The following ITGA8 variants were observed in gnomAD, a reference collection of about 807,000 sequenced individuals.
ITGA8 encodes integrin subunit alpha 8, also known as integrin alpha-8.
A neutral mutation model predicts 142.3 loss-of-function variants in ITGA8; 91 were observed. The ratio of observed to expected loss-of-function variants is 0.64; its 90% CI spans 0.54 to 0.76. The LOEUF (loss-of-function observed/expected upper bound fraction) is 0.76, where lower values mean the gene tolerates loss of function less well. Among genes scored for constraint, ITGA8 ranks in the 30% least tolerant of loss-of-function variants. The pLI is 0.00. For missense variants in ITGA8, 1,406 were observed against 1,327.7 expected, an observed-to-expected ratio of 1.06 and a Z score of -0.92; for synonymous variants, 505 against 485.2, an observed-to-expected ratio of 1.04 and a Z score of -0.54.
intron 26 of ITGA8, among the ~76,000 whole-genome samples, chr10:15,551,593 C>T (rs951484908): frequency 1.3e-5 from 2 of 151,992 alleles, no homozygotes; most frequent in African/African-American, 2.4e-5. Context: ...TATTCTTAGG[C>T]GGAGGAGAAA....
At chr10:15,639,126 T>C (rs1219480502) in intron 13 of ITGA8, among the ~76,000 whole-genome samples, 1 of 150,262 alleles carries the variant, frequency 6.7e-6, no homozygotes. Flanking sequence ...CAAGTTCCTA[T>C]CTCTTAAAAA....
intron 2 of ITGA8, among the ~76,000 whole-genome samples, chr10:15,710,163 T>C (rs376846448): frequency 3.3e-5 from 5 of 152,230 alleles, no homozygotes; most frequent in African/African-American, 1.2e-4. Context: ...AAAAACAGTT[T>C]TAATCACATT....
chr10:15,521,045 G>T (rs1833057641), intron 28 of ITGA8, among the ~76,000 whole-genome samples: 1 of 152,182 alleles, frequency 6.6e-6, no homozygotes, highest in African/African-American at 2.4e-5. Context: ...GTGAGACAGT[G>T]TCTCACTCTG....
At chr10:15,586,561 A>G (rs1174678519) in intron 23 of ITGA8, 23 bp downstream of exon 23, 1 of 1,395,768 alleles carries the variant, frequency 7.2e-7, no homozygotes, top group Admixed American at 1.7e-5. Flanking sequence ...AGGATATTGT[A>G]CTATGCATTG....
chr10:15,685,359 A>C (rs985963620), intron 3 of ITGA8, among the ~76,000 whole-genome samples: 3 of 152,232 alleles, frequency 2.0e-5, no homozygotes, highest in African/African-American at 7.2e-5. Context: ...TAACATATAG[A>C]GTGGTAAATT....
intron 2 of ITGA8, among the ~76,000 whole-genome samples, chr10:15,691,199 T>C (rs1196262804): frequency 6.6e-6 from 1 of 152,176 alleles, no homozygotes. Context: ...TAACAAGTGT[T>C]GTGGAGGATA....
At chr10:15,690,772 C>T (rs1834918867) in intron 2 of ITGA8, among the ~76,000 whole-genome samples, 1 of 152,164 alleles carries the variant, frequency 6.6e-6, no homozygotes, top group Admixed American at 6.5e-5. Context: ...GCTGTCATCA[C>T]TGATGTTAAT....
intron 27 of ITGA8, among the ~76,000 whole-genome samples, chr10:15,535,869 G>GCTGCCTTACC (rs1435012521): frequency 2.0e-5 from 3 of 152,026 alleles, no homozygotes; most frequent in Non-Finnish European, 4.4e-5. Context: ...TTGGGTCCAC[G>GCTGCCTTACC]CTGCCTTTAT....
At chr10:15,543,087 C>T (rs1388887758) in intron 27 of ITGA8, among the ~76,000 whole-genome samples, 1 of 152,148 alleles carries the variant, frequency 6.6e-6, no homozygotes, top group Non-Finnish European at 1.5e-5. Flanking sequence ...TGTGAGCTAC[C>T]TATAGAATCA....
chr10:15,692,843 G>A (rs1031020924), intron 2 of ITGA8, among the ~76,000 whole-genome samples: 2 of 152,200 alleles, frequency 1.3e-5, no homozygotes, highest in Non-Finnish European at 2.9e-5. Context: ...CAAGGCAGGT[G>A]GATCACTTGA....
intron 21 of ITGA8, among the ~76,000 whole-genome samples, chr10:15,593,727 T>G (rs1385112667): frequency 6.6e-6 from 1 of 152,226 alleles, no homozygotes; most frequent in African/African-American, 2.4e-5. Flanking sequence ...ATATCATTCA[T>G]TGCTCCAAAC....
In ITGA8 at chr10:15,700,007, A is replaced by G. The variant is rs141794999; in HGVS notation, c.344-11969T>C. Among the ~76,000 whole-genome samples the G allele has an allele frequency of 2.6e-3, 388 of 152,104 alleles. 3 individuals are homozygous for G. Among genetic ancestry groups the G allele is most frequent in the African/African-American group, 9.1e-3 (377 of 41,514 alleles). ...TTGCTCATTCTCTTGTTTAGTTATT[A>G]GTTTCATTGATTCATAATTCATATA... On this transcript the variant is annotated intron_variant, in intron 2 of 29. Transcript: ENST00000378076.
At chr10:15,684,980 A>G (rs1834809617) in intron 3 of ITGA8, among the ~76,000 whole-genome samples, 1 of 152,162 alleles carries the variant, frequency 6.6e-6, no homozygotes, top group South Asian at 2.1e-4. Context: ...TTTCATCTGG[A>G]CGCACTTCTC....
At chr10:15,621,730 GT>G (rs1833494648) in intron 13 of ITGA8, among the ~76,000 whole-genome samples, 1 of 152,156 alleles carries the variant, frequency 6.6e-6, no homozygotes, top group East Asian at 1.9e-4. Context: ...GTCAGGCATG[GT>G]GGTATAAAAC....
At position 15,711,660 on chromosome 10, in the gene ITGA8, A is replaced by G. The variant is rs1214854167; in HGVS notation, c.343+7106T>C. 2.6e-5 allele frequency among the ~76,000 whole-genome samples: 4 copies of G among 151,766 alleles called. No individual in the cohort carries two copies. The South Asian group carries it at 8.4e-4, about 32-fold the overall frequency. ...GAAAGTTCCATCAACCTCCCCCCCA[A>G]AAGATTCCCTGCTATTACACCTTTG... On this transcript the variant is annotated intron_variant, in intron 2 of 29. Transcript: ENST00000378076.
intron 9 of ITGA8, among the ~76,000 whole-genome samples, chr10:15,659,276 G>A (rs968517624): frequency 1.3e-5 from 2 of 151,806 alleles, no homozygotes; most frequent in African/African-American, 2.4e-5. Flanking sequence ...CAGAAAAAAC[G>A]CATGCTTATT....
intron 2 of ITGA8, among the ~76,000 whole-genome samples, chr10:15,711,694 T>C (rs1161650688): frequency 6.6e-6 from 1 of 152,000 alleles, no homozygotes; most frequent in Non-Finnish European, 1.5e-5. Flanking sequence ...TGGAGTCAAC[T>C]CATCTCTTCC....
At chr10:15,703,607 T>C (rs1195202290) in intron 2 of ITGA8, among the ~76,000 whole-genome samples, 1 of 152,160 alleles carries the variant, frequency 6.6e-6, no homozygotes, top group African/African-American at 2.4e-5. Context: ...CCCCCAAGTA[T>C]GATGCAACAG....
intron 27 of ITGA8, among the ~76,000 whole-genome samples, chr10:15,533,911 A>G (rs1833364198): frequency 7.5e-6 from 1 of 133,538 alleles, no homozygotes; most frequent in Admixed American, 7.0e-5. Flanking sequence ...CACATCACCA[A>G]TCTTTTTTTT....
Sources: gnomAD v4.1 joint callset for allele counts (sites outside exome capture counted in the v4.1 genomes callset) on GRCh38, gnomAD v4.1.1 for gene constraint, MANE v1.5 for transcripts, NCBI Gene and HGNC (gene_info 2026-07-23, HGNC 2026-07-21) for gene names.